SMARCC1: variants seen among roughly 807,000 people sequenced by gnomAD.
The protein encoded by SMARCC1 is SWI/SNF related BAF chromatin remodeling complex subunit C1.
In SMARCC1, 43 loss-of-function variants were observed where a neutral mutation model predicts 147.4. The observed-to-expected ratio is 0.29, with a 90% confidence interval of 0.23 to 0.38. SMARCC1 has a LOEUF of 0.38. Among genes scored for constraint, SMARCC1 ranks in the 10% least tolerant of loss-of-function variants. The pLI is 1.00. For missense variants in SMARCC1, 1,119 were observed against 1,381.1 expected (o/e 0.81, Z 3.01); for synonymous variants, 495 against 484.4 (o/e 1.02, Z -0.29).
chr3:47,609,007 C>T (rs2106667358), intron 26 of SMARCC1, among the ~76,000 whole-genome samples: 1 of 152,006 alleles, frequency 6.6e-6, no homozygotes, highest in Non-Finnish European at 1.5e-5. Context: ...GTGGAAAAAC[C>T]CTGGTTTCTT....
intron 5 of SMARCC1, among the ~76,000 whole-genome samples, chr3:47,732,578 C>A (rs1164233249): frequency 6.6e-6 from 1 of 152,034 alleles, no homozygotes; most frequent in Non-Finnish European, 1.5e-5. Flanking sequence ...TTGACTTGAC[C>A]AGCTAGAGGC....
At chr3:47,689,060 T>C (rs77226783) in intron 13 of SMARCC1, among the ~76,000 whole-genome samples, 6 of 151,698 alleles carry the variant, frequency 4.0e-5, no homozygotes, top group Non-Finnish European at 8.8e-5. Flanking sequence ...AATAAAAAAA[T>C]CAGTTGGGTG....
At chr3:47,700,280 T>G (rs902478948) in intron 11 of SMARCC1, among the ~76,000 whole-genome samples, 3 of 152,176 alleles carry the variant, frequency 2.0e-5, no homozygotes, top group Admixed American at 2.0e-4. Context: ...ACTTGGATGA[T>G]TAGTATGAGA....
chr3:47,735,667 T>G (rs2034433191), intron 5 of SMARCC1, among the ~76,000 whole-genome samples: 1 of 151,988 alleles, frequency 6.6e-6, no homozygotes, highest in Admixed American at 6.6e-5. Context: ...GGCACGAGAA[T>G]CACTTGAACC....
At position 47,613,208 on chromosome 3, in the gene SMARCC1, A is replaced by G. The variant is rs542022926; in HGVS notation, c.2782-2881T>C. ...GGCATTCTTTTTGATGTTCAGTTAC[A>G]TAAGATAACCTGAATGGGGGAAAAA... On this transcript the variant is annotated intron_variant, in intron 25 of 27. Transcript: ENST00000254480. Among the ~76,000 whole-genome samples, 5 of 152,312 alleles carry G rather than the reference A, an allele frequency of 3.3e-5. No homozygotes were observed. In the East Asian group the frequency reaches 7.7e-4, roughly 23 times the overall value.
At chr3:47,740,860 A>C (rs1218350795) in intron 3 of SMARCC1, among the ~76,000 whole-genome samples, 3 of 151,728 alleles carry the variant, frequency 2.0e-5, no homozygotes, top group Non-Finnish European at 4.4e-5. Flanking sequence ...CAAAAAAAAA[A>C]AAAAAAAAAC....
intron 6 of SMARCC1, among the ~76,000 whole-genome samples, chr3:47,725,032 CAAA>C (rs35548192): frequency 2.1e-3 from 65 of 31,634 alleles, no homozygotes; most frequent in East Asian, 6.1e-3. Flanking sequence ...ACTGTCTCCA[CAAA>C]AAAAAAAAAA....
At chr3:47,774,506 C>T (rs2034952274) in intron 1 of SMARCC1, among the ~76,000 whole-genome samples, 1 of 152,070 alleles carries the variant, frequency 6.6e-6, no homozygotes, top group South Asian at 2.1e-4. Flanking sequence ...CAAGCTCTGC[C>T]TTCTGGGTTC....
At chr3:47,702,754 A>C (rs993722146) in intron 10 of SMARCC1, among the ~76,000 whole-genome samples, 2 of 152,148 alleles carry the variant, frequency 1.3e-5, no homozygotes, top group Non-Finnish European at 2.9e-5. Flanking sequence ...GCACACCATC[A>C]TGCCCAGACT....
chr3:47,765,952 C>T (rs1484329996), intron 2 of SMARCC1, among the ~76,000 whole-genome samples: 5 of 151,970 alleles, frequency 3.3e-5, no homozygotes, highest in Admixed American at 2.0e-4. Flanking sequence ...AGGCTGGTTT[C>T]GAACTCCTGA....
intron 5 of SMARCC1, among the ~76,000 whole-genome samples, chr3:47,730,997 C>T (rs182933641): frequency 1.3e-5 from 2 of 152,216 alleles, no homozygotes; most frequent in Admixed American, 1.3e-4. Context: ...GTTAAGGTGG[C>T]TGTGGCAATT....
At chr3:47,711,201 C>T (rs1337483636) in intron 8 of SMARCC1, among the ~76,000 whole-genome samples, 1 of 152,178 alleles carries the variant, frequency 6.6e-6, no homozygotes, top group Non-Finnish European at 1.5e-5. Flanking sequence ...GATGACAGAG[C>T]ACATTCGCAG....
In SMARCC1 at chr3:47,781,861, C is replaced by G; in HGVS notation, c.-64G>C. ...GCCCTCGCGGTGTTTCCCGGTCGTTCCCGCGCGCACCCCCGCGCGCGTAGC... is the reference window on the plus strand; with the variant it reads ...GCCCTCGCGGTGTTTCCCGGTCGTTGCCGCGCGCACCCCCGCGCGCGTAGC... On this transcript the variant is annotated 5_prime_UTR_variant, in exon 1 of 28. Transcript: ENST00000254480. The G allele has an allele frequency of 1.8e-6, 2 of 1,117,590 alleles. No homozygotes were observed. Among genetic ancestry groups the G allele is most frequent in the South Asian group, 3.2e-5 (1 of 31,436 alleles). The allele number at this position is 1,117,590 out of a possible 1,614,324, so 69.2% of individuals were successfully genotyped here.
chr3:47,688,308 T>C (rs2033753283), intron 13 of SMARCC1, among the ~76,000 whole-genome samples: 1 of 1,206 alleles, frequency 8.3e-4, no homozygotes, highest in African/African-American at 1.2e-3. Context: ...TAACTTTGAT[T>C]TTTTTTTTTT....
At chr3:47,771,873 C>T (rs1052566620) in intron 2 of SMARCC1, among the ~76,000 whole-genome samples, 1 of 151,540 alleles carries the variant, frequency 6.6e-6, no homozygotes, top group African/African-American at 2.4e-5. Flanking sequence ...CTTGAGGCTG[C>T]GAGTTCAAGA....
At chr3:47,623,999 AG>A (rs1315368679) in intron 24 of SMARCC1, among the ~76,000 whole-genome samples, 1 of 151,972 alleles carries the variant, frequency 6.6e-6, no homozygotes, top group East Asian at 1.9e-4. Flanking sequence ...TTAAAACTGC[AG>A]GTCATTGGTC....
chr3:47,725,343 G>A (rs904164336), intron 6 of SMARCC1, among the ~76,000 whole-genome samples: 1 of 152,012 alleles, frequency 6.6e-6, no homozygotes, highest in Non-Finnish European at 1.5e-5. Flanking sequence ...ACTGCTAACA[G>A]GTATGGGTTT....
At chr3:47,757,224 C>T (rs2034709999) in intron 2 of SMARCC1, among the ~76,000 whole-genome samples, 1 of 151,882 alleles carries the variant, frequency 6.6e-6, no homozygotes, top group Non-Finnish European at 1.5e-5. Context: ...GTACTCCAGC[C>T]TGGGTGATTA....
chr3:47,607,653 T>G (rs999032766), intron 26 of SMARCC1, among the ~76,000 whole-genome samples: 2 of 152,208 alleles, frequency 1.3e-5, no homozygotes, highest in African/African-American at 4.8e-5. Context: ...GCAGTTAAGC[T>G]TGAAGGAACT....
Sources: gnomAD v4.1 joint callset for allele counts (sites outside exome capture counted in the v4.1 genomes callset) on GRCh38, gnomAD v4.1.1 for gene constraint, MANE v1.5 for transcripts, NCBI Gene and HGNC (gene_info 2026-07-23, HGNC 2026-07-21) for gene names.